Variants in ZBTB4 observed in about 807,000 individuals in gnomAD.
The protein encoded by ZBTB4 is zinc finger and BTB domain containing 4.
ZBTB4 carries 14 observed loss-of-function variants against 59.8 expected under a neutral mutation model. The observed-to-expected ratio is 0.23, with a 90% CI of 0.15 to 0.37. The LOEUF (loss-of-function observed/expected upper bound fraction) is 0.37. ZBTB4 is among the 10% of genes least tolerant of loss of function. The pLI is 1.00. For synonymous variants in ZBTB4, 587 were observed against 575.2 expected, an observed-to-expected ratio of 1.02 and a Z score of -0.29; for missense variants, 1,198 against 1,380.8, an observed-to-expected ratio of 0.87 and a Z score of 2.10.
intron 1 of ZBTB4, among the ~76,000 whole-genome samples, chr17:7,476,640 C>T (rs2070272713): frequency 1.3e-5 from 2 of 152,168 alleles, no homozygotes. Context: ...ACTCCAAGGC[C>T]ACCTCCTTCT....
Position 7,466,043 on chromosome 17 carries a change from C to T in ZBTB4, c.759G>A (p.Glu253=), listed in dbSNP as rs751089420. 4 of 1,608,314 alleles carry T rather than the reference C, an allele frequency of 2.5e-6. 1 individual carries two copies. The highest frequency in any genetic ancestry group is 2.2e-5 in the East Asian group (1 of 44,752). Residue 253 remains glutamate (E), a synonymous_variant, in exon 3 of 4, where the codon GAG becomes GAA. Coordinates refer to ENST00000380599, the MANE Select transcript of ZBTB4 (RefSeq NM_001128833.2). This position sits in a 1 kb window ranked among gnomAD's most constrained non-coding sequence, Gnocchi z 9.1. ...TGCTGGCCCCTCGTCGGCACTGGGC[C>T]TCATGGGTCTGCAGCCGTTTGGGAT... ...FIHPKRLQTH[E]AQCRRGASTR...
chr17:7,469,937 C>T (rs1212403578), intron 1 of ZBTB4, among the ~76,000 whole-genome samples: 70 of 151,854 alleles, frequency 4.6e-4, no homozygotes, highest in Non-Finnish European at 4.4e-5. Flanking sequence ...CAAAAATTAG[C>T]CGGACGTGGT....
intron 1 of ZBTB4, among the ~76,000 whole-genome samples, chr17:7,474,209 C>A (rs2070237224): frequency 9.6e-6 from 1 of 103,646 alleles, no homozygotes; most frequent in Non-Finnish European, 1.9e-5. Flanking sequence ...GCATGAGCCA[C>A]CATGGCCAGA....
intron 1 of ZBTB4, among the ~76,000 whole-genome samples, chr17:7,470,831 T>A (rs1420075609): frequency 6.6e-6 from 1 of 152,214 alleles, no homozygotes; most frequent in Non-Finnish European, 1.5e-5. Flanking sequence ...TCCTGATGAC[T>A]TCACCATATA....
chr17:7,461,332 G>A lies in ZBTB4; in HGVS notation c.*608C>T, dbSNP rs977921146. On this transcript the variant is annotated 3_prime_UTR_variant, in exon 4 of 4. Transcript: ENST00000380599. ...GTCCAGGAATATGGGGAGGAACATG[G>A]AAGATCCAAAGGCATGGAAGCTGAG... is the stretch of plus-strand genomic sequence containing the variant. 1 of 152,776 alleles carries A rather than the reference G, an allele frequency of 6.5e-6. No individual in the cohort carries two copies. Among genetic ancestry groups the A allele is most frequent in the Non-Finnish European group, 1.5e-5 (1 of 68,138 alleles). 9.5% of individuals were successfully genotyped at this position (152,776 alleles called of 1,614,324 possible).
At position 7,462,791 on chromosome 17, in the gene ZBTB4, A is replaced by G; in HGVS notation, c.2191T>C (p.Cys731Arg). The G allele has an allele frequency of 1.2e-6, 2 of 1,602,474 alleles. No homozygotes were observed. Among genetic ancestry groups the G allele is most frequent in the Non-Finnish European group, 1.7e-6 (2 of 1,179,832 alleles). ...CTCAGGGTGGTGAAGGTCTGGGCAC[A>G]GTCCCCGCATCGGTGCCTCCGCTCT... is the stretch of plus-strand genomic sequence containing the variant. ...RTERRHRCGD[C>R]AQTFTTLRKL... The change falls in exon 4 of 4, where the codon TGT becomes CGT. Residue 731 changes from cysteine to arginine, a missense_variant. By Grantham distance (180) the Cys-to-Arg change is radical. Coordinates refer to ENST00000380599, the MANE Select transcript of ZBTB4 (RefSeq NM_001128833.2). This position sits in a 1 kb window ranked among gnomAD's most constrained non-coding sequence, Gnocchi z 7.5.
At chr17:7,476,961 C>G (rs530959029) in intron 1 of ZBTB4, among the ~76,000 whole-genome samples, 16 of 152,232 alleles carry the variant, frequency 1.1e-4, no homozygotes, top group Non-Finnish European at 2.4e-4. Context: ...GGTTCAAATA[C>G]AGCTTCACCT....
At chr17:7,479,734 G>C (rs2070320108), upstream of ZBTB4, 2 of 150,478 alleles carry the variant, frequency 1.3e-5, no homozygotes, top group Non-Finnish European at 2.9e-5. Context: ...CAGCGCAGCC[G>C]ACACCGACAC....
intron 1 of ZBTB4, among the ~76,000 whole-genome samples, chr17:7,473,181 T>C (rs1365873722): frequency 4.0e-5 from 6 of 150,232 alleles, no homozygotes; most frequent in Non-Finnish European, 5.9e-5. Context: ...GGTGCGATCT[T>C]GGCTCACTGC....
rs777506997 is a variant in ZBTB4 at position 7,462,331 on chromosome 17, C to T, written c.2651G>A (p.Arg884Gln). 2.3e-5 allele frequency: 37 copies of T among 1,613,752 alleles called. No individual in the cohort carries two copies. The East Asian group carries it at 6.2e-4, about 27-fold the overall frequency. ...EFPLALIGGG[R>Q]EPGGGRGKSG... Reference sequence around the variant, plus strand: ...TTTTCCCCTGCCACCGCCAGGTTCCCGGCCGCCCCCAATCAAGGCCAGTGG... The same window carrying T: ...TTTTCCCCTGCCACCGCCAGGTTCCTGGCCGCCCCCAATCAAGGCCAGTGG... Residue 884 changes from arginine to glutamine, a missense_variant, in exon 4 of 4, where the codon CGG (arginine) becomes CAG (glutamine). Arg to Gln is a conservative substitution (Grantham distance 43). Around this residue, in one of 9 missense-constraint regions of ZBTB4, gnomAD observed 211 missense variants for 236.1 expected, o/e 0.89. Coordinates refer to ENST00000380599, the MANE Select transcript of ZBTB4 (RefSeq NM_001128833.2). This position sits in a 1 kb window ranked among gnomAD's most constrained non-coding sequence, Gnocchi z 7.5.
rs751868936 is a variant in ZBTB4, at chr17:7,465,800, C to T, written c.1002G>A (p.Arg334=). The T allele has an allele frequency of 6.2e-7, 1 of 1,614,222 alleles. No homozygotes were observed. Among genetic ancestry groups the T allele is most frequent in the Admixed American group, 1.7e-5 (1 of 60,028 alleles). The change falls in exon 3 of 4, where the codon CGG becomes CGA. Residue 334 remains arginine (R), a synonymous_variant. Transcript: ENST00000380599. The stretch of plus-strand genomic sequence containing the variant: ...CACAATAGCGGCAGGGGTACTTCCT[C>T]CGCCACGAGTGTACATTGCTGTGTC... The part of the protein sequence containing the change: ...LKRHSNVHSW[R]RKYPCRYCEK...
At chr17:7,480,931 G>A (rs2070337452), upstream of ZBTB4, among the ~76,000 whole-genome samples, 1 of 67,986 alleles carries the variant, frequency 1.5e-5, no homozygotes, top group South Asian at 4.4e-4. Context: ...GGGGGTGGTG[G>A]GGTGGATCAC....
upstream of ZBTB4, chr17:7,482,684 T>C: frequency 1.9e-6 from 3 of 1,612,038 alleles, no homozygotes; most frequent in Non-Finnish European, 2.5e-6. Flanking sequence ...GCTGCTGGGC[T>C]CTGTGCCAGG....
Position 7,466,465 on chromosome 17 carries a change from G to GGGGAGA in ZBTB4, c.331_336dup (p.Ser111_Pro112dup), listed in dbSNP as rs942370054. The GGGGAGA allele has an allele frequency of 3.7e-6, 6 of 1,611,858 alleles. No individual in the cohort carries two copies. The highest frequency in any genetic ancestry group is 5.1e-6 in the Non-Finnish European group (6 of 1,179,098). Reference sequence around the variant, plus strand: ...GAAGAAGCAGGGGGAGAGGCTGGAGGGGGAGAGGAAGAGGAAGAGGAAGAA... The same window carrying GGGGAGA: ...GAAGAAGCAGGGGGAGAGGCTGGAGGGGGAGAGGGAGAGGAAGAGGAAGAGGAAGAA... On this transcript the variant is annotated inframe_insertion, in exon 3 of 4. Transcript: ENST00000380599. The surrounding 1 kb of genome is among the most constrained non-coding windows in gnomAD (Gnocchi z 9.1).
chr17:7,472,240 G>C (rs1597775858), intron 1 of ZBTB4, among the ~76,000 whole-genome samples: 1 of 151,990 alleles, frequency 6.6e-6, no homozygotes, highest in Admixed American at 6.6e-5. Flanking sequence ...GCCCAGGCTG[G>C]AGTGCAGTGG....
At chr17:7,481,561 C>A, upstream of ZBTB4, 2 of 1,407,232 alleles carry the variant, frequency 1.4e-6, no homozygotes, top group Non-Finnish European at 9.5e-7. Flanking sequence ...CTCCCTATAG[C>A]TCCTGGTTGC....
chr17:7,483,189 C>G (rs1168882923), upstream of ZBTB4: 10 of 1,147,970 alleles, frequency 8.7e-6, no homozygotes, highest in East Asian at 2.3e-4. Flanking sequence ...AGCCTGGGAC[C>G]AAGGGATGTG....
At chr17:7,478,450 C>T (rs1437089355) in intron 1 of ZBTB4, among the ~76,000 whole-genome samples, 2 of 152,088 alleles carry the variant, frequency 1.3e-5, no homozygotes, top group African/African-American at 4.8e-5. Flanking sequence ...ACCCATCCAT[C>T]GCCCTCTTCA....
Position 7,463,556 on chromosome 17 carries a change from G to A in ZBTB4, c.1426C>T (p.His476Tyr). The A allele has an allele frequency of 6.3e-7, 1 of 1,590,290 alleles. No individual in the cohort carries two copies. The highest frequency in any genetic ancestry group is 2.2e-5 in the East Asian group (1 of 44,726). ...GPPPSVITFA[H>Y]PAPSVIVHGG... ...TGGACAATGACAGAGGGGGCTGGGT[G>A]GGCAAAAGTGATGACAGAGGGTGGA... Residue 476 changes from histidine to tyrosine, a missense_variant, in exon 4 of 4, where the codon CAC becomes TAC. His to Tyr is a moderately conservative substitution (Grantham distance 83). Around this residue, in one of 9 missense-constraint regions of ZBTB4, gnomAD observed 550 missense variants for 541.8 expected, o/e 1.02. Coordinates refer to ENST00000380599, the MANE Select transcript of ZBTB4 (RefSeq NM_001128833.2).
Sources: allele counts gnomAD v4.1 joint callset (sites outside exome capture counted in the v4.1 genomes callset), GRCh38; gene constraint gnomAD v4.1.1; regional missense constraint gnomAD v4.1.1; non-coding constraint Gnocchi (gnomAD v3.1); transcripts MANE v1.5; gene names NCBI Gene and HGNC (gene_info 2026-07-23, HGNC 2026-07-21).